Variants in TGFBR3 observed in about 807,000 individuals in gnomAD.
The protein encoded by TGFBR3 is transforming growth factor beta receptor 3.
TGFBR3 carries 46 observed loss-of-function variants against 87.9 expected under a neutral mutation model. That is an observed-to-expected ratio of 0.52 (90% CI 0.41 to 0.67). The LOEUF (loss-of-function observed/expected upper bound fraction) is 0.67. TGFBR3 is among the 30% of genes least tolerant of loss of function. TGFBR3 has a pLI of 0.00. For synonymous variants in TGFBR3, 381 were observed against 391.6 expected (o/e 0.97, Z 0.32); for missense variants, 866 against 1,041.9 (o/e 0.83, Z 2.32).
At chr1:91,787,778 C>T (rs906561077) in intron 3 of TGFBR3, among the ~76,000 whole-genome samples, 1 of 151,728 alleles carries the variant, frequency 6.6e-6, no homozygotes, top group Non-Finnish European at 1.5e-5. Flanking sequence ...AGTTTGAGAC[C>T]AACATGGTGA....
intron 4 of TGFBR3, among the ~76,000 whole-genome samples, chr1:91,736,784 C>G (rs956574007): frequency 4.6e-5 from 7 of 152,150 alleles, no homozygotes; most frequent in Non-Finnish European, 1.0e-4. Context: ...GTCCAGAGGC[C>G]TTTGTCCCAC....
At chr1:91,864,746 A>G (rs528313744) in intron 1 of TGFBR3, among the ~76,000 whole-genome samples, 80 of 152,330 alleles carry the variant, frequency 5.3e-4, no homozygotes, top group Non-Finnish European at 6.3e-4. Flanking sequence ...GGATGGACTG[A>G]AGGCTTCCGA....
intron 16 of TGFBR3, among the ~76,000 whole-genome samples, chr1:91,694,797 C>T (rs1203545714): frequency 6.6e-6 from 1 of 152,172 alleles, no homozygotes; most frequent in Non-Finnish European, 1.5e-5. Flanking sequence ...CAGTATAAAA[C>T]TACAAGGATC....
chr1:91,880,588 A>G (rs960297830), intron 1 of TGFBR3, among the ~76,000 whole-genome samples: 6 of 151,974 alleles, frequency 3.9e-5, no homozygotes, highest in Admixed American at 6.6e-5. Flanking sequence ...ACAGAGCGAG[A>G]CTCCGTCCCA....
intron 3 of TGFBR3, among the ~76,000 whole-genome samples, chr1:91,782,259 G>A (rs145905265): frequency 0.013 from 1,993 of 152,304 alleles, 23 homozygotes; most frequent in Non-Finnish European, 0.019. Flanking sequence ...AGAAGGGAGG[G>A]TGATCGGCCC....
At chr1:91,867,101 G>A (rs1316071201) in intron 1 of TGFBR3, among the ~76,000 whole-genome samples, 3 of 152,174 alleles carry the variant, frequency 2.0e-5, no homozygotes, top group African/African-American at 7.2e-5. Flanking sequence ...CAGAGTTGTT[G>A]CAAGAATCAA....
At chr1:91,866,500 A>G (rs1678399520) in intron 1 of TGFBR3, among the ~76,000 whole-genome samples, 1 of 152,204 alleles carries the variant, frequency 6.6e-6, no homozygotes, top group Non-Finnish European at 1.5e-5. Flanking sequence ...TATAGCAATG[A>G]AAAAAAGACG....
At chr1:91,842,956 C>T (rs947066557) in intron 2 of TGFBR3, among the ~76,000 whole-genome samples, 1 of 152,158 alleles carries the variant, frequency 6.6e-6, no homozygotes, top group African/African-American at 2.4e-5. Flanking sequence ...CCAACTCCAT[C>T]ACTCCCATTG....
chr1:91,894,008 T>C lies in TGFBR3; in HGVS notation c.-114+5629A>G, dbSNP rs180740349. On this transcript the variant is annotated intron_variant, in intron 2 of 17. Transcript: ENST00000370399. ...ACTTTGGGAGGCCAAAGTGGGTGGA[T>C]CACTCTACAGGAGGTTGATTTTATT... Among the ~76,000 whole-genome samples, 535 of 152,110 alleles carry C rather than the reference T, an allele frequency of 3.5e-3. 5 individuals carry two copies. Among genetic ancestry groups the C allele is most frequent in the African/African-American group, 0.012 (503 of 41,492 alleles).
chr1:91,681,128 A>C lies in TGFBR3; in HGVS notation c.*2611T>G. On this transcript the variant is annotated 3_prime_UTR_variant, in exon 17 of 17. Coordinates refer to ENST00000212355, the MANE Select transcript of TGFBR3 (RefSeq NM_003243.5). Reference sequence around the variant, plus strand: ...AAGAGTTCAGCTGAAATACAACAATACTTTTAAAGAAACTTGTAGTACACG... The same window carrying C: ...AAGAGTTCAGCTGAAATACAACAATCCTTTTAAAGAAACTTGTAGTACACG... 1 of 454,116 alleles carries C rather than the reference A, an allele frequency of 2.2e-6. No individual in the cohort carries two copies. The highest frequency in any genetic ancestry group is 4.4e-6 in the Non-Finnish European group (1 of 226,778). The allele number at this position is 454,116 out of a possible 1,614,324, so 28.1% of individuals were successfully genotyped here.
chr1:91,720,332 G>A, intron 8 of TGFBR3, 102 bp from the exon 9 acceptor site: 1 of 1,157,772 alleles, frequency 8.6e-7, no homozygotes, highest in East Asian at 2.6e-5. Flanking sequence ...ATGGGCAGGT[G>A]TAAAATGACT....
chr1:91,690,126 C>T (rs972917252), intron 16 of TGFBR3, among the ~76,000 whole-genome samples: 10 of 152,070 alleles, frequency 6.6e-5, no homozygotes, highest in African/African-American at 2.2e-4. Context: ...CAATTTATGT[C>T]GCCGAACCCT....
intron 9 of TGFBR3, 60 bp downstream of exon 9, chr1:91,719,833 A>G (rs1448776894): frequency 6.3e-6 from 10 of 1,575,096 alleles, no homozygotes; most frequent in African/African-American, 1.3e-5. Flanking sequence ...ACAGATGCAG[A>G]CTAGGGCCAG....
chr1:91,685,445 C>G (rs1472070177), intron 16 of TGFBR3, among the ~76,000 whole-genome samples: 2 of 151,306 alleles, frequency 1.3e-5, no homozygotes, highest in Non-Finnish European at 2.9e-5. Context: ...GTCTCAGCCT[C>G]CCGAGTACCT....
At chr1:91,733,275 G>A (rs984218517) in intron 5 of TGFBR3, among the ~76,000 whole-genome samples, 1 of 152,206 alleles carries the variant, frequency 6.6e-6, no homozygotes, top group Non-Finnish European at 1.5e-5. Context: ...CAAGAGTCAG[G>A]AAGCCTGGGT....
chr1:91,800,676 A>T (rs1675590034), intron 2 of TGFBR3, among the ~76,000 whole-genome samples: 2 of 151,950 alleles, frequency 1.3e-5, no homozygotes, highest in African/African-American at 4.8e-5. Context: ...ACAACATATG[A>T]TTAAACTATC....
intron 1 of TGFBR3, among the ~76,000 whole-genome samples, chr1:91,869,023 C>G (rs966221450): frequency 6.6e-6 from 1 of 152,150 alleles, no homozygotes; most frequent in Non-Finnish European, 1.5e-5. Flanking sequence ...CACAAAAGGG[C>G]CAAGTCCTCA....
intron 2 of TGFBR3, chr1:91,829,742 G>C (rs1169082359): frequency 3.3e-5 from 5 of 151,830 alleles, no homozygotes; most frequent in Non-Finnish European, 4.4e-5. Context: ...TTCCAGACAA[G>C]GGGTTTTTTT....
intron 3 of TGFBR3, among the ~76,000 whole-genome samples, chr1:91,792,421 G>A (rs1675229303): frequency 6.6e-6 from 1 of 152,114 alleles, no homozygotes; most frequent in African/African-American, 2.4e-5. Context: ...CACGCCCATT[G>A]CTCCTTTAAT....
Sources: gnomAD v4.1 joint callset for allele counts (sites outside exome capture counted in the v4.1 genomes callset) on GRCh38, gnomAD v4.1.1 for gene constraint, MANE v1.5 for transcripts, NCBI Gene and HGNC (gene_info 2026-07-23, HGNC 2026-07-21) for gene names.